Variants in SNTG2 observed in about 807,000 individuals in gnomAD.
SNTG2 encodes gamma-2-syntrophin.
A neutral mutation model predicts 70.9 loss-of-function variants in SNTG2; 74 were observed. The ratio of observed to expected loss-of-function variants is 1.04; its 90% CI spans 0.86 to 1.27. SNTG2 has a LOEUF of 1.27. SNTG2 is among the 50% of genes most tolerant of loss of function. SNTG2 has a pLI of 0.00. For synonymous variants in SNTG2, 278 were observed against 273.8 expected (o/e 1.02, Z -0.15); for missense variants, 717 against 690.7 (o/e 1.04, Z -0.43).
chr2:1,113,140 C>A (rs1381153428), intron 4 of SNTG2, among the ~76,000 whole-genome samples: 6 of 147,876 alleles, frequency 4.1e-5, no homozygotes, highest in African/African-American at 7.5e-5. Context: ...CCCTTACAGT[C>A]CTTTGAGGAG....
At chr2:1,134,134 C>G (rs1174640043) in intron 4 of SNTG2, among the ~76,000 whole-genome samples, 2 of 152,128 alleles carry the variant, frequency 1.3e-5, no homozygotes, top group African/African-American at 4.8e-5. Context: ...AGGAGTGAAG[C>G]TGGAGACCTT....
chr2:1,255,906 A>ATAAC (rs1678075058), intron 12 of SNTG2, among the ~76,000 whole-genome samples: 1 of 76,648 alleles, frequency 1.3e-5, no homozygotes, highest in East Asian at 4.5e-4. Context: ...ATATATATAT[A>ATAAC]AATATATATA....
At chr2:1,134,002 G>A (rs866723699) in intron 4 of SNTG2, among the ~76,000 whole-genome samples, 2 of 152,092 alleles carry the variant, frequency 1.3e-5, no homozygotes, top group South Asian at 2.1e-4. Context: ...CTTCTGGTGG[G>A]TTCGTGGTCT....
intron 11 of SNTG2, among the ~76,000 whole-genome samples, chr2:1,240,723 T>G (rs1463577611): frequency 6.6e-6 from 1 of 152,244 alleles, no homozygotes; most frequent in Non-Finnish European, 1.5e-5. Flanking sequence ...AAAATAGGGC[T>G]GTGTTTTAAA....
intron 1 of SNTG2, among the ~76,000 whole-genome samples, chr2:995,231 G>A (rs1661639744): frequency 6.6e-6 from 1 of 151,980 alleles, no homozygotes; most frequent in Non-Finnish European, 1.5e-5. Context: ...GATTGAGGAA[G>A]TTCTGTTTTA....
Position 1,342,102 on chromosome 2 carries a change from C to A in SNTG2, c.1489-25241C>A, listed in dbSNP as rs935302607. On this transcript the variant is annotated intron_variant, in intron 16 of 16. Coordinates refer to ENST00000308624, the MANE Select transcript of SNTG2 (RefSeq NM_018968.4). Reference sequence around the variant, plus strand: ...AGATATTTTCCTTTAATATTTAAAACCTTCTTGAGGACCTAATTAATGCAA... The same window carrying A: ...AGATATTTTCCTTTAATATTTAAAAACTTCTTGAGGACCTAATTAATGCAA... Among the ~76,000 whole-genome samples the A allele has an allele frequency of 3.9e-5, 6 of 152,308 alleles. No homozygotes were observed. The South Asian group carries it at 6.2e-4, about 16-fold the overall frequency.
At chr2:1,270,460 GTTCTT>G (rs1307410272) in intron 14 of SNTG2, among the ~76,000 whole-genome samples, 1 of 152,172 alleles carries the variant, frequency 6.6e-6, no homozygotes, top group African/African-American at 2.4e-5. Context: ...AGATGCAGTT[GTTCTT>G]TTCTTTTCCC....
chr2:1,095,090 G>GA (rs900358465), intron 2 of SNTG2, among the ~76,000 whole-genome samples: 20 of 151,610 alleles, frequency 1.3e-4, no homozygotes, highest in Middle Eastern at 3.4e-3. Context: ...AGAAAAAAGA[G>GA]AAAAAAAAAG....
At chr2:1,188,731 G>C (rs1213681893) in intron 8 of SNTG2, among the ~76,000 whole-genome samples, 1 of 151,954 alleles carries the variant, frequency 6.6e-6, no homozygotes, top group Non-Finnish European at 1.5e-5. Context: ...CTCCTTTTGG[G>C]GTATCAGTCA....
rs762736953 is a variant in SNTG2, at chr2:1,308,534, G to A, written c.1325G>A (p.Cys442Tyr). ...TGCAGCTGGCAAGGAGAGATGCTGT[G>A]TTTCACGGTGGATTTCGCGTTGGGA... ...YMCSWQGEML[C>Y]FTVDFALGFT... The change falls in exon 15 of 17, where the codon TGT becomes TAT. Residue 442 changes from cysteine to tyrosine, a missense_variant. Transcript: ENST00000308624. 1.5e-5 allele frequency: 23 copies of A among 1,551,690 alleles called. No homozygotes were observed. In the South Asian group the frequency reaches 2.7e-4, roughly 18 times the overall value.
At chr2:954,132 T>C (rs1471317127) in intron 1 of SNTG2, among the ~76,000 whole-genome samples, 1 of 152,208 alleles carries the variant, frequency 6.6e-6, no homozygotes, top group Non-Finnish European at 1.5e-5. Context: ...GGAGCTGCTC[T>C]CAGGCTCTGC....
intron 9 of SNTG2, among the ~76,000 whole-genome samples, chr2:1,233,741 A>T (rs1045497661): frequency 3.9e-5 from 6 of 152,216 alleles, no homozygotes; most frequent in African/African-American, 1.4e-4. Flanking sequence ...CACTTTCTAG[A>T]GTATAAGTCT....
chr2:991,048 C>T (rs893856240), intron 1 of SNTG2, among the ~76,000 whole-genome samples: 3 of 152,014 alleles, frequency 2.0e-5, no homozygotes, highest in Admixed American at 1.3e-4. Context: ...ATCCTAAGAT[C>T]AGTAAAAACC....
At chr2:1,025,655 A>G (rs937514075) in intron 1 of SNTG2, among the ~76,000 whole-genome samples, 1 of 152,132 alleles carries the variant, frequency 6.6e-6, no homozygotes, top group Non-Finnish European at 1.5e-5. Context: ...CCAGCGGTGC[A>G]GCGTCTCCAA....
chr2:1,158,603 A>G (rs908775801), intron 6 of SNTG2: 1 of 152,246 alleles, frequency 6.6e-6, no homozygotes, highest in Non-Finnish European at 1.5e-5. Context: ...GCCAAAGTGT[A>G]TCTTCTGGGG....
At chr2:1,059,674 C>T (rs1662689134) in intron 1 of SNTG2, among the ~76,000 whole-genome samples, 2 of 152,200 alleles carry the variant, frequency 1.3e-5, no homozygotes, top group South Asian at 4.1e-4. Context: ...ACTCCCTCAA[C>T]CCTCATAACT....
intron 1 of SNTG2, among the ~76,000 whole-genome samples, chr2:1,006,237 A>G (rs1020191802): frequency 6.6e-6 from 1 of 151,694 alleles, no homozygotes; most frequent in Non-Finnish European, 1.5e-5. Flanking sequence ...GGTGCAGCGC[A>G]CTAGCATGGC....
At chr2:1,303,733 G>A (rs1371907227) in intron 14 of SNTG2, among the ~76,000 whole-genome samples, 1 of 152,074 alleles carries the variant, frequency 6.6e-6, no homozygotes, top group Non-Finnish European at 1.5e-5. Context: ...AAAAAAAAGA[G>A]GAGAAAAAGA....
At chr2:1,311,419 A>G (rs1680983029) in intron 15 of SNTG2, among the ~76,000 whole-genome samples, 1 of 152,216 alleles carries the variant, frequency 6.6e-6, no homozygotes, top group African/African-American at 2.4e-5. Flanking sequence ...TTTATTTTAG[A>G]ATTTGCAATA....
Sources: gnomAD v4.1 joint callset for allele counts (sites outside exome capture counted in the v4.1 genomes callset) on GRCh38, gnomAD v4.1.1 for gene constraint, MANE v1.5 for transcripts, NCBI Gene and HGNC (gene_info 2026-07-23, HGNC 2026-07-21) for gene names.